UBAP2: variants seen among roughly 807,000 people sequenced by gnomAD.
The protein encoded by UBAP2 is ubiquitin associated protein 2, also known as ubiquitin-associated protein 2.
UBAP2 carries 75 observed loss-of-function variants against 139.6 expected under a neutral mutation model. That is an observed-to-expected ratio of 0.54 (90% CI 0.45 to 0.65). UBAP2 has a LOEUF of 0.65. Ranked by LOEUF, UBAP2 falls within the 30% of genes least tolerant of loss-of-function variation. The probability of loss-of-function intolerance (pLI) is 0.00; values close to 1 mark genes in which losing one functional copy is unlikely to be tolerated. For missense variants in UBAP2, 1,368 were observed against 1,369.6 expected (o/e 1.00, Z 0.02); for synonymous variants, 526 against 526.2 (o/e 1.00, Z 0.01).
chr9:34,044,358 G>T (rs958357865), intron 1 of UBAP2, among the ~76,000 whole-genome samples: 1 of 149,696 alleles, frequency 6.7e-6, no homozygotes, highest in African/African-American at 2.5e-5. Flanking sequence ...CCGAGATAGC[G>T]CCACTGCACT....
intron 15 of UBAP2, among the ~76,000 whole-genome samples, chr9:33,942,830 T>C (rs967616316): frequency 6.6e-6 from 1 of 152,130 alleles, no homozygotes; most frequent in Non-Finnish European, 1.5e-5. Context: ...GTGGAGAAAT[T>C]AGATCCCTCA....
intron 17 of UBAP2, 81 bp from the exon 18 acceptor site, chr9:33,933,709 A>G: frequency 6.4e-7 from 1 of 1,555,254 alleles, no homozygotes; most frequent in African/African-American, 1.4e-5. Context: ...TATGCTCAAT[A>G]TCTTGTGACA....
At chr9:33,935,664 A>G in intron 17 of UBAP2, 175 bp downstream of exon 17, 2 of 703,950 alleles carry the variant, frequency 2.8e-6, no homozygotes, top group Non-Finnish European at 5.1e-6. Flanking sequence ...GCTGTGGTTA[A>G]GACATTTCTA....
At chr9:34,029,422 G>A (rs1157359314) in intron 1 of UBAP2, among the ~76,000 whole-genome samples, 2 of 151,902 alleles carry the variant, frequency 1.3e-5, no homozygotes, top group Non-Finnish European at 1.5e-5. Flanking sequence ...CCAGCTACTC[G>A]GGAGGCTGAG....
rs765047315 is a variant in UBAP2 at position 33,922,978 on chromosome 9, G to A, written c.3060C>T (p.Tyr1020=). The change falls in exon 27 of 29, where the codon TAC becomes TAT. Residue 1020 remains tyrosine (Y), a synonymous_variant. Transcript: ENST00000379238. ...CTTTGTCCCTCACCTGTGTCTTATT[G>A]TAGACAGAACCAGTCATATCAGGTA... The part of the protein sequence containing the change: ...TGLPDMTGSV[Y]NKTQTFDKQG... 3.1e-6 allele frequency: 5 copies of A among 1,614,168 alleles called. No homozygotes were observed. The Admixed American group carries it at 6.7e-5, about 22-fold the overall frequency.
At chr9:33,980,536 C>G (rs558692251) in intron 6 of UBAP2, among the ~76,000 whole-genome samples, 2 of 151,702 alleles carry the variant, frequency 1.3e-5, no homozygotes, top group African/African-American at 4.8e-5. Flanking sequence ...CCACCGCACC[C>G]GGCGAGCGTC....
At chr9:34,020,826 A>AT (rs368883130) in intron 1 of UBAP2, among the ~76,000 whole-genome samples, 21,116 of 151,422 alleles carry the variant, frequency 0.14, 1,658 homozygotes, top group South Asian at 0.33. Context: ...AGCCCAGCTA[A>AT]TTTTTTTGTA....
chr9:33,977,761 C>T (rs1564041574), intron 6 of UBAP2, among the ~76,000 whole-genome samples: 1 of 151,472 alleles, frequency 6.6e-6, no homozygotes, highest in Non-Finnish European at 1.5e-5. Flanking sequence ...CTCCCAGGTT[C>T]GAATGATTCT....
chr9:33,944,058 G>T (rs985982539), intron 14 of UBAP2, among the ~76,000 whole-genome samples: 49 of 152,166 alleles, frequency 3.2e-4, no homozygotes, highest in African/African-American at 1.1e-3. Flanking sequence ...AATGATGAAA[G>T]TATCACCTGG....
intron 2 of UBAP2, among the ~76,000 whole-genome samples, chr9:34,000,188 C>A (rs996768039): frequency 6.6e-6 from 1 of 152,066 alleles, no homozygotes; most frequent in African/African-American, 2.4e-5. Flanking sequence ...CATCATAGCT[C>A]ACTGCAGCCT....
intron 8 of UBAP2, among the ~76,000 whole-genome samples, chr9:33,971,418 A>G (rs1382420860): frequency 6.6e-6 from 1 of 152,190 alleles, no homozygotes; most frequent in South Asian, 2.1e-4. Flanking sequence ...TACCTTATAT[A>G]GCCTCTTTCT....
chr9:34,029,682 TAAAAA>T (rs1014348397), intron 1 of UBAP2, among the ~76,000 whole-genome samples: 1 of 149,740 alleles, frequency 6.7e-6, no homozygotes, highest in Non-Finnish European at 1.5e-5. Flanking sequence ...TTTAAAAAAA[TAAAAA>T]GAAGAAGAAG....
At chr9:33,979,157 G>C (rs1820416425) in intron 6 of UBAP2, among the ~76,000 whole-genome samples, 1 of 152,172 alleles carries the variant, frequency 6.6e-6, no homozygotes, top group Admixed American at 6.5e-5. Flanking sequence ...AGTATTGCTT[G>C]AACGTAAGAG....
intron 6 of UBAP2, 26 bp from the exon 7 acceptor site, chr9:33,973,263 A>G: frequency 6.2e-7 from 1 of 1,607,616 alleles, no homozygotes. Flanking sequence ...CAATTATAGT[A>G]TAAAATAATA....
chr9:33,973,112 G>T, intron 7 of UBAP2, 71 bp downstream of exon 7: 1 of 1,335,816 alleles, frequency 7.5e-7, no homozygotes, highest in Middle Eastern at 1.8e-4. Flanking sequence ...TAGATGTAGG[G>T]TATTAGAAGC....
chr9:33,927,544 C>G (rs1379542112), intron 20 of UBAP2, among the ~76,000 whole-genome samples: 1 of 152,182 alleles, frequency 6.6e-6, no homozygotes, highest in Non-Finnish European at 1.5e-5. Flanking sequence ...CTCCAAGTCA[C>G]AATGTCAACT....
At chr9:34,001,524 G>C (rs1006290787) in intron 2 of UBAP2, among the ~76,000 whole-genome samples, 1 of 152,230 alleles carries the variant, frequency 6.6e-6, no homozygotes, top group African/African-American at 2.4e-5. Flanking sequence ...GTTACAGCAT[G>C]TCATTGTGGC....
intron 1 of UBAP2, among the ~76,000 whole-genome samples, chr9:34,037,699 T>TA (rs1826559868): frequency 6.6e-6 from 1 of 152,120 alleles, no homozygotes; most frequent in Admixed American, 6.6e-5. Context: ...TTATATCTGA[T>TA]AAATAATTGA....
intron 2 of UBAP2, among the ~76,000 whole-genome samples, chr9:34,012,165 G>A (rs1363445021): frequency 2.0e-5 from 3 of 151,868 alleles, no homozygotes; most frequent in Admixed American, 1.3e-4. Flanking sequence ...ATAATTTTGT[G>A]GAATTTTCAC....
Sources: allele counts gnomAD v4.1 joint callset (sites outside exome capture counted in the v4.1 genomes callset), GRCh38; gene constraint gnomAD v4.1.1; transcripts MANE v1.5; gene names NCBI Gene and HGNC (gene_info 2026-07-23, HGNC 2026-07-21).